PDE11A: variants seen among roughly 807,000 people sequenced by gnomAD.
The protein encoded by PDE11A is dual 3',5'-cyclic-AMP and -GMP phosphodiesterase 11A.
Under a neutral mutation model 100.5 loss-of-function variants are expected in PDE11A, and 100 were observed. The ratio of observed to expected loss-of-function variants is 1.00; its 90% CI spans 0.85 to 1.18. PDE11A has a LOEUF of 1.18. Among genes scored for constraint, PDE11A ranks in the 50% most tolerant of loss-of-function variants. PDE11A has a pLI of 0.00. For synonymous variants in PDE11A, 381 were observed against 420.8 expected (o/e 0.91, Z 1.16); for missense variants, 1,141 against 1,152.6 (o/e 0.99, Z 0.15).
chr2:178,076,476 A>G (rs905279178), upstream of PDE11A, among the ~76,000 whole-genome samples: 13 of 152,282 alleles, frequency 8.5e-5, no homozygotes, highest in African/African-American at 3.1e-4. Flanking sequence ...TCATGGTTAC[A>G]TTGAAATCTA....
rs1477937452 is a variant in PDE11A at position 177,629,514 on chromosome 2, C to T, written c.2695G>A (p.Ala899Thr). The change falls in exon 20 of 20, where the codon GCT becomes ACT. Residue 899 changes from alanine (A) to threonine (T), a missense_variant. Ala to Thr is a moderately conservative substitution (Grantham distance 58, BLOSUM62 0). Transcript: ENST00000286063. ...VKLKPMLDSVATNRSKWEELH... is the reference protein window; with the variant it reads ...VKLKPMLDSVTTNRSKWEELH... ...TCTTCCCACTTACTTCTGTTTGTAG[C>T]TACTGAATCTAGCATCGGCTTCAGT... 1 of 1,613,574 alleles carries T rather than the reference C, an allele frequency of 6.2e-7. No homozygotes were observed. Among genetic ancestry groups the T allele is most frequent in the Non-Finnish European group, 8.5e-7 (1 of 1,179,770 alleles).
chr2:177,811,838 C>T (rs1035254568), intron 9 of PDE11A, among the ~76,000 whole-genome samples: 8 of 152,168 alleles, frequency 5.3e-5, no homozygotes, highest in African/African-American at 1.9e-4. Context: ...GGAGCAGCTG[C>T]ACTTGCGATG....
At chr2:177,824,855 C>T (rs1004099568) in intron 6 of PDE11A, among the ~76,000 whole-genome samples, 4 of 152,016 alleles carry the variant, frequency 2.6e-5, no homozygotes, top group African/African-American at 9.7e-5. Flanking sequence ...GTGTACATGC[C>T]TATGGGTATA....
intron 2 of PDE11A, among the ~76,000 whole-genome samples, chr2:177,908,661 C>G (rs75277204): frequency 6.6e-6 from 1 of 152,114 alleles, no homozygotes; most frequent in Non-Finnish European, 1.5e-5. Context: ...CTGTGGTGTG[C>G]GTCCAGCTAT....
At chr2:177,679,824 G>A (rs1371704357) in intron 16 of PDE11A, among the ~76,000 whole-genome samples, 1 of 152,070 alleles carries the variant, frequency 6.6e-6, no homozygotes, top group African/African-American at 2.4e-5. Flanking sequence ...ATAGAGCCAG[G>A]TTGGGGTAAG....
chr2:177,819,500 T>A lies in PDE11A; in HGVS notation c.1576+720A>T, dbSNP rs7578601. Among the ~76,000 whole-genome samples the A allele has an allele frequency of 9.9e-3, 1,500 of 152,200 alleles. 23 individuals are homozygous for A. Among genetic ancestry groups the A allele is most frequent in the African/African-American group, 0.034 (1,424 of 41,570 alleles). On this transcript the variant is annotated intron_variant, in intron 7 of 19. Coordinates refer to ENST00000286063, the MANE Select transcript of PDE11A (RefSeq NM_016953.4). Reference sequence around the variant, plus strand: ...CTTCATGACTTCTCTATTTCAACCATGAATTCTCCTTGCCTGGGCTTCTTT... The same window carrying A: ...CTTCATGACTTCTCTATTTCAACCAAGAATTCTCCTTGCCTGGGCTTCTTT...
chr2:177,959,108 G>A (rs1462792623), intron 2 of PDE11A, among the ~76,000 whole-genome samples: 1 of 152,186 alleles, frequency 6.6e-6, no homozygotes, highest in Non-Finnish European at 1.5e-5. Context: ...AGATCTCCCA[G>A]GGAAGGGGTA....
intron 11 of PDE11A, 130 bp downstream of exon 11, chr2:177,727,896 A>G: frequency 1.0e-6 from 1 of 999,638 alleles, no homozygotes; most frequent in Non-Finnish European, 1.6e-6. Flanking sequence ...TCTGGTTCTC[A>G]CAGTAATCCC....
At chr2:177,673,119 G>A (rs540230117) in intron 17 of PDE11A, among the ~76,000 whole-genome samples, 4 of 152,296 alleles carry the variant, frequency 2.6e-5, no homozygotes, top group South Asian at 4.1e-4. Flanking sequence ...AATCTAAGAT[G>A]TTTGTATGGA....
intron 10 of PDE11A, among the ~76,000 whole-genome samples, chr2:177,728,632 GCACGTGTTCTTTGTTACA>G (rs1409518575): frequency 6.6e-6 from 1 of 152,130 alleles, no homozygotes; most frequent in African/African-American, 2.4e-5. Flanking sequence ...CCTGTAGCTT[GCACGTGTTCTTTGTTACA>G]CACGTGTTCT....
At chr2:177,826,391 A>G (rs1031364813) in intron 6 of PDE11A, among the ~76,000 whole-genome samples, 2 of 152,234 alleles carry the variant, frequency 1.3e-5, no homozygotes, top group African/African-American at 4.8e-5. Context: ...GATACGTACA[A>G]CTTTAACAAT....
intron 15 of PDE11A, among the ~76,000 whole-genome samples, chr2:177,682,303 T>C (rs2080877676): frequency 6.6e-6 from 1 of 152,230 alleles, no homozygotes; most frequent in African/African-American, 2.4e-5. Context: ...TATTGATTGA[T>C]GTCTTATGTC....
chr2:177,899,637 A>AATATATATATATATATATATATATAT (rs3037901), intron 3 of PDE11A: 9 of 203,204 alleles, frequency 4.4e-5, no homozygotes, highest in African/African-American at 2.0e-4. Context: ...CAGATTCTTA[A>AATATATATATATATATATATATATAT]ATATATATAT....
At chr2:177,866,399 C>A (rs528972026) in intron 5 of PDE11A, among the ~76,000 whole-genome samples, 1 of 152,322 alleles carries the variant, frequency 6.6e-6, no homozygotes, top group South Asian at 2.1e-4. Flanking sequence ...ACACTGTGAC[C>A]AAAGACTCTT....
At chr2:177,652,027 A>G (rs978318914) in intron 19 of PDE11A, among the ~76,000 whole-genome samples, 1 of 152,178 alleles carries the variant, frequency 6.6e-6, no homozygotes, top group East Asian at 1.9e-4. Context: ...GCTTACTAGT[A>G]ACAATGTGAT....
chr2:177,855,169 C>T (rs1010343944), intron 5 of PDE11A, among the ~76,000 whole-genome samples: 1 of 151,994 alleles, frequency 6.6e-6, no homozygotes, highest in African/African-American at 2.4e-5. Flanking sequence ...CAGAAGAAAA[C>T]AGAACAAATA....
Position 177,779,117 on chromosome 2 carries a change from T to C in PDE11A, c.1738-9744A>G, listed in dbSNP as rs557089370. The stretch of plus-strand genomic sequence containing the variant: ...TTACATACGTTTTTTGGTTTCCCAG[T>C]GCATATAAAAGTTATGTTTATACTA... On this transcript the variant is annotated intron_variant, in intron 9 of 19. Coordinates refer to ENST00000286063, the MANE Select transcript of PDE11A (RefSeq NM_016953.4). Among the ~76,000 whole-genome samples the C allele has an allele frequency of 3.7e-4, 57 of 152,342 alleles. No homozygotes were observed. The South Asian group carries it at 5.4e-3, about 14-fold the overall frequency.
At chr2:178,098,044 A>G (rs146408108) in intron 2 of PDE11A, among the ~76,000 whole-genome samples, 420 of 152,344 alleles carry the variant, frequency 2.8e-3, no homozygotes, top group Non-Finnish European at 4.7e-3. Context: ...TTTTACTGAA[A>G]CATAGGGGGA....
intron 5 of PDE11A, among the ~76,000 whole-genome samples, chr2:177,858,539 C>A (rs10208589): frequency 0.96 from 146,010 of 151,706 alleles, 70,424 homozygotes; most frequent in East Asian, 1. Flanking sequence ...ATCAAAACCA[C>A]AATGAGATAC....
Sources: allele counts gnomAD v4.1 joint callset (sites outside exome capture counted in the v4.1 genomes callset), GRCh38; gene constraint gnomAD v4.1.1; transcripts MANE v1.5; gene names NCBI Gene and HGNC (gene_info 2026-07-23, HGNC 2026-07-21).